CYB561D1: variants seen among roughly 807,000 people sequenced by gnomAD.
The protein encoded by CYB561D1 is probable transmembrane reductase CYB561D1.
A neutral mutation model predicts 19.2 loss-of-function variants in CYB561D1; 15 were observed. The observed-to-expected ratio is 0.78, with a 90% CI of 0.52 to 1.20. CYB561D1 has a LOEUF of 1.20. CYB561D1 is among the 50% of genes most tolerant of loss of function. CYB561D1 has a pLI of 0.00. For synonymous variants in CYB561D1, 133 were observed against 120.6 expected (o/e 1.10, Z -0.68); for missense variants, 297 against 287.3 (o/e 1.03, Z -0.24).
At chr1:109,494,531 C>T in intron 1 of CYB561D1, 1 of 1,507,904 alleles carries the variant, frequency 6.6e-7, no homozygotes, top group Non-Finnish European at 8.9e-7. Flanking sequence ...AACAGGTCCC[C>T]TGATGGAGGA....
chr1:109,494,750 T>A, intron 1 of CYB561D1: 3 of 412,870 alleles, frequency 7.3e-6, no homozygotes, highest in Non-Finnish European at 1.3e-5. Flanking sequence ...GGGAGGAGAA[T>A]CGCTTGAACC....
At chr1:109,495,289 G>C in intron 2 of CYB561D1, 109 bp downstream of exon 2, 4 of 1,301,026 alleles carry the variant, frequency 3.1e-6, no homozygotes, top group Non-Finnish European at 4.4e-6. Flanking sequence ...GACAGGTGGA[G>C]GAAACATCTA....
rs1408396382 is a variant in CYB561D1 at position 109,499,878 on chromosome 1, AG to A, written c.*3621del. On this transcript the variant is annotated 3_prime_UTR_variant, in exon 3 of 3. Coordinates refer to ENST00000420578, the MANE Select transcript of CYB561D1 (RefSeq NM_182580.3). ...AACAGAATGGGAAGGCACTGTGGGA[AG>A]GAAGTCAGGAATCTTGCTGCTAGCC... 6.6e-6 allele frequency: 1 copy of A among 152,268 alleles called. No individual in the cohort carries two copies. The highest frequency in any genetic ancestry group is 1.5e-5 in the Non-Finnish European group (1 of 68,068). 9.4% of individuals were successfully genotyped at this position (152,268 alleles called of 1,614,324 possible).
chr1:109,495,135 A>T lies in CYB561D1; in HGVS notation c.149-8A>T. On this transcript the variant is annotated splice_polypyrimidine_tract_variant and splice_region_variant and intron_variant, in intron 1 of 2. Coordinates refer to ENST00000420578, the MANE Select transcript of CYB561D1 (RefSeq NM_182580.3). ...CCAAGCCCTCAGCCTGTTCTCTTTG[A>T]TTCTTAGGTCTTTTCTCCTGGCACC... 6.2e-7 allele frequency: 1 copy of T among 1,614,164 alleles called. No homozygotes were observed. The highest frequency in any genetic ancestry group is 8.5e-7 in the Non-Finnish European group (1 of 1,180,030).
chr1:109,494,491 C>A, intron 1 of CYB561D1: 1 of 1,543,390 alleles, frequency 6.5e-7, no homozygotes, highest in Non-Finnish European at 8.8e-7. Flanking sequence ...GAAGGGCAGA[C>A]GATTGAACAG....
At position 109,494,123 on chromosome 1, in the gene CYB561D1, G is replaced by T. The variant is rs1176870961; in HGVS notation, c.-17G>T. Reference sequence around the variant, plus strand: ...GTGTTCGGGCAGCTGGAGTGTACGGGCCCGCGGGCCACGGCCATGCAGCCC... The same window carrying T: ...GTGTTCGGGCAGCTGGAGTGTACGGTCCCGCGGGCCACGGCCATGCAGCCC... On this transcript the variant is annotated 5_prime_UTR_variant, in exon 1 of 3. Transcript: ENST00000420578. 4.0e-6 allele frequency: 6 copies of T among 1,491,148 alleles called. No individual in the cohort carries two copies. The highest frequency in any genetic ancestry group is 5.4e-6 in the Non-Finnish European group (6 of 1,115,288). 92.4% of individuals were successfully genotyped at this position (1,491,148 alleles called of 1,614,324 possible).
In CYB561D1 at chr1:109,495,237, G is replaced by T; in HGVS notation, c.186+57G>T. 2.5e-6 allele frequency: 4 copies of T among 1,587,808 alleles called. No homozygotes were observed. In the Admixed American group the frequency reaches 6.7e-5, roughly 26 times the overall value. On this transcript the variant is annotated intron_variant, in intron 2 of 2. Coordinates refer to ENST00000420578, the MANE Select transcript of CYB561D1 (RefSeq NM_182580.3). ...GTATTCCTCACCTCATTCTCCCAGG[G>T]AAGCACCCAGCTTTCAGAAAGCTCA...
rs537857504 is a variant in CYB561D1 at position 109,496,127 on chromosome 1, C to T, written c.558C>T (p.Tyr186=). The change falls in exon 3 of 3, where the codon TAC becomes TAT. Residue 186 remains tyrosine (Y), a synonymous_variant. Coordinates refer to ENST00000420578, the MANE Select transcript of CYB561D1 (RefSeq NM_182580.3). ...CAGTAACGGTGCTTCTGGGCATGTA[C>T]TCAGTATGGTTCCAGGCCCAGATCA... is the stretch of plus-strand genomic sequence containing the variant. The part of the protein sequence containing the change: ...MATVTVLLGM[Y]SVWFQAQIKG... 1 of 1,614,234 alleles carries T rather than the reference C, an allele frequency of 6.2e-7. No individual in the cohort carries two copies. Among genetic ancestry groups the T allele is most frequent in the East Asian group, 2.2e-5 (1 of 44,890 alleles).
chr1:109,496,305 C>T lies in CYB561D1; in HGVS notation c.*46C>T. The T allele has an allele frequency of 6.6e-7, 1 of 1,522,014 alleles. No individual in the cohort carries two copies. The highest frequency in any genetic ancestry group is 8.8e-7 in the Non-Finnish European group (1 of 1,130,840). 94.3% of individuals were successfully genotyped at this position (1,522,014 alleles called of 1,614,324 possible). ...TAGGTGGGACGCTTGCCTTGAACAT[C>T]ATGGTTCCTTTGGTGATCTATAAGG... On this transcript the variant is annotated 3_prime_UTR_variant, in exon 3 of 3. Transcript: ENST00000420578.
rs370427543 is a variant in CYB561D1 at position 109,495,926 on chromosome 1, G to A, written c.357G>A (p.Glu119=). 2 of 1,614,058 alleles carry A rather than the reference G, an allele frequency of 1.2e-6. No homozygotes were observed. The highest frequency in any genetic ancestry group is 8.5e-7 in the Non-Finnish European group (1 of 1,180,020). ...GFIISSRTRS[E]LPHLVSWHSW... ...TCATCTCCAGCAGGACCCGCAGTGA[G>A]CTGCCTCATCTGGTGTCCTGGCACA... The change falls in exon 3 of 3, where the codon GAG becomes GAA. Residue 119 remains glutamate (E), a synonymous_variant. Transcript: ENST00000420578.
rs1374020462 is a variant in CYB561D1 at position 109,498,950 on chromosome 1, A to G, written c.*2691A>G. The G allele has an allele frequency of 1.4e-5, 2 of 146,390 alleles. No individual in the cohort carries two copies. Among genetic ancestry groups the G allele is most frequent in the Non-Finnish European group, 2.9e-5 (2 of 67,934 alleles). 9.1% of individuals were successfully genotyped at this position (146,390 alleles called of 1,614,324 possible). Reference sequence around the variant, plus strand: ...CATATCAAGCTAAGTCCTGATTCCAAATTTGATTATATTCCAAATTTGATT... The same window carrying G: ...CATATCAAGCTAAGTCCTGATTCCAGATTTGATTATATTCCAAATTTGATT... On this transcript the variant is annotated 3_prime_UTR_variant, in exon 3 of 3. Transcript: ENST00000420578.
chr1:109,494,599 G>C (rs1224531944), intron 1 of CYB561D1: 1 of 1,357,892 alleles, frequency 7.4e-7, no homozygotes, highest in Admixed American at 2.3e-5. Context: ...CACTTTGGGA[G>C]GCCGACGCGG....
Position 109,496,155 on chromosome 1 carries a change from G to A in CYB561D1, c.586G>A (p.Gly196Ser), listed in dbSNP as rs1657549368. The change falls in exon 3 of 3, where the codon GGT becomes AGT. Residue 196 changes from glycine (G) to serine (S), a missense_variant. Coordinates refer to ENST00000420578, the MANE Select transcript of CYB561D1 (RefSeq NM_182580.3). ...AGTATGGTTCCAGGCCCAGATCAAA[G>A]GTGCGGCCTGGTACCTGTGCCTGGC... ...YSVWFQAQIK[G>S]AAWYLCLALP... is the part of the protein sequence containing the mutation. The A allele has an allele frequency of 1.9e-6, 3 of 1,613,750 alleles. No individual in the cohort carries two copies. Among genetic ancestry groups the A allele is most frequent in the Admixed American group, 3.3e-5 (2 of 60,004 alleles).
Position 109,500,260 on chromosome 1 carries a change from T to TG in CYB561D1, c.*4006dup, listed in dbSNP as rs990081764. Reference sequence around the variant, plus strand: ...ACATGAAATGAAAGGTGCATCAGCTTGGGGGCTGGGAAACCTGCAGTATGG... The same window carrying TG: ...ACATGAAATGAAAGGTGCATCAGCTTGGGGGGCTGGGAAACCTGCAGTATGG... On this transcript the variant is annotated 3_prime_UTR_variant, in exon 3 of 3. Coordinates refer to ENST00000420578, the MANE Select transcript of CYB561D1 (RefSeq NM_182580.3). 4.6e-5 allele frequency: 7 copies of TG among 152,250 alleles called. No individual in the cohort carries two copies. The highest frequency in any genetic ancestry group is 1.7e-4 in the African/African-American group (7 of 41,460). The allele number at this position is 152,250 out of a possible 1,614,324, so 9.4% of individuals were successfully genotyped here. A position where few individuals can be genotyped will look rare whatever the true frequency, so the allele number is the denominator to read the frequency against.
Position 109,498,501 on chromosome 1 carries a change from G to C in CYB561D1, c.*2242G>C, listed in dbSNP as rs1657702779. Reference sequence around the variant, plus strand: ...GTCACCAGGAGGAGCCCTTCATCCTGGCAGGCCGGATTGTGGAGGGACTTC... The same window carrying C: ...GTCACCAGGAGGAGCCCTTCATCCTCGCAGGCCGGATTGTGGAGGGACTTC... On this transcript the variant is annotated 3_prime_UTR_variant, in exon 3 of 3. Transcript: ENST00000420578. 6.6e-6 allele frequency: 1 copy of C among 152,110 alleles called. No individual in the cohort carries two copies. The highest frequency in any genetic ancestry group is 1.5e-5 in the Non-Finnish European group (1 of 68,070). The allele number at this position is 152,110 out of a possible 1,614,324, so 9.4% of individuals were successfully genotyped here.
chr1:109,494,136 G>T lies in CYB561D1; in HGVS notation c.-4G>T, dbSNP rs1657331414. ...TGGAGTGTACGGGCCCGCGGGCCAC[G>T]GCCATGCAGCCCCTGGAGGTAGGTC... is the stretch of plus-strand genomic sequence containing the variant. On this transcript the variant is annotated 5_prime_UTR_variant, in exon 1 of 3. Transcript: ENST00000420578. 1.3e-6 allele frequency: 2 copies of T among 1,508,170 alleles called. No individual in the cohort carries two copies. The highest frequency in any genetic ancestry group is 5.0e-5 in the East Asian group (2 of 40,282). The allele number at this position is 1,508,170 out of a possible 1,614,324, so 93.4% of individuals were successfully genotyped here. A position where few individuals can be genotyped will look rare whatever the true frequency, so the allele number is the denominator to read the frequency against.
At chr1:109,494,329 G>T in intron 1 of CYB561D1, 42 bp downstream of exon 1, 1 of 1,541,498 alleles carries the variant, frequency 6.5e-7, no homozygotes, top group Non-Finnish European at 8.8e-7. Context: ...GCGGAGTGGA[G>T]ATGCTGGAGG....
Position 109,496,483 on chromosome 1 carries a change from A to C in CYB561D1, c.*224A>C. 2.4e-6 allele frequency: 1 copy of C among 411,230 alleles called. No homozygotes were observed. The highest frequency in any genetic ancestry group is 4.2e-6 in the Non-Finnish European group (1 of 236,280). The allele number at this position is 411,230 out of a possible 1,614,324, so 25.5% of individuals were successfully genotyped here. ...AAGGTGATGGAGAGCCTGATCCTGA[A>C]GCCTCTACTTGATGAGAGACAGAGT... On this transcript the variant is annotated 3_prime_UTR_variant, in exon 3 of 3. Transcript: ENST00000420578.
Position 109,496,119 on chromosome 1 carries a change from G to A in CYB561D1, c.550G>A (p.Gly184Ser). Residue 184 changes from glycine to serine, a missense_variant, in exon 3 of 3, where the codon GGC becomes AGC. Physicochemically the swap from Gly to Ser is moderately conservative, Grantham distance 56 (BLOSUM62 0). Coordinates refer to ENST00000420578, the MANE Select transcript of CYB561D1 (RefSeq NM_182580.3). ...YLMATVTVLL[G>S]MYSVWFQAQI... Reference sequence around the variant, plus strand: ...GATGGCTACAGTAACGGTGCTTCTGGGCATGTACTCAGTATGGTTCCAGGC... The same window carrying A: ...GATGGCTACAGTAACGGTGCTTCTGAGCATGTACTCAGTATGGTTCCAGGC... The A allele has an allele frequency of 6.2e-7, 1 of 1,614,192 alleles. No individual in the cohort carries two copies. Among genetic ancestry groups the A allele is most frequent in the Non-Finnish European group, 8.5e-7 (1 of 1,180,032 alleles).
Sources: gnomAD v4.1 joint callset for allele counts on GRCh38, gnomAD v4.1.1 for gene constraint, MANE v1.5 for transcripts, NCBI Gene and HGNC (gene_info 2026-07-23, HGNC 2026-07-21) for gene names.